RASGRP3: variants seen among roughly 807,000 people sequenced by gnomAD.
The protein encoded by RASGRP3 is RAS guanyl releasing protein 3.
In RASGRP3, 54 loss-of-function variants were observed where a neutral mutation model predicts 82.7. The ratio of observed to expected loss-of-function variants is 0.65; its 90% CI spans 0.52 to 0.82. The LOEUF (loss-of-function observed/expected upper bound fraction) is 0.82, where lower values mean the gene tolerates loss of function less well. Among genes scored for constraint, RASGRP3 ranks in the 40% least tolerant of loss-of-function variants. RASGRP3 has a pLI of 0.00. For missense variants in RASGRP3, 861 were observed against 828.9 expected (o/e 1.04, Z -0.48); for synonymous variants, 309 against 300.5 (o/e 1.03, Z -0.29).
In RASGRP3 at chr2:33,490,325, C is replaced by T. The variant is rs544480753; in HGVS notation, c.-261+13618C>T. 1.4e-3 allele frequency among the ~76,000 whole-genome samples: 207 copies of T among 152,312 alleles called. 3 individuals carry two copies. In the South Asian group the frequency reaches 0.015, roughly 11 times the overall value. On this transcript the variant is annotated intron_variant, in intron 1 of 17. Transcript: ENST00000403687. ...ACTTGTTGAGCTCATATTCTACACA[C>T]GTTTTCTTTGTTTCTTTACCTCTCA...
At chr2:33,449,135 A>T (rs560233696) in intron 2 of RASGRP3, among the ~76,000 whole-genome samples, 6 of 152,196 alleles carry the variant, frequency 3.9e-5, no homozygotes, top group Admixed American at 3.9e-4. Flanking sequence ...TGCAAGTGTG[A>T]TTGAGACCTT....
At chr2:33,446,490 GA>G (rs1665510542) in intron 1 of RASGRP3, among the ~76,000 whole-genome samples, 1 of 21,534 alleles carries the variant, frequency 4.6e-5, no homozygotes, top group African/African-American at 1.3e-4. Context: ...AAATTTTTTG[GA>G]TTTTTTTTTT....
intron 2 of RASGRP3, among the ~76,000 whole-genome samples, chr2:33,450,243 G>T (rs1391004643): frequency 6.6e-6 from 1 of 151,980 alleles, no homozygotes; most frequent in Non-Finnish European, 1.5e-5. Flanking sequence ...TATTTTTGTG[G>T]TGAGAACATT....
chr2:33,440,916 A>G (rs1665190414), intron 1 of RASGRP3, among the ~76,000 whole-genome samples: 1 of 151,966 alleles, frequency 6.6e-6, no homozygotes, highest in South Asian at 2.1e-4. Context: ...TCTTCAAGAC[A>G]AGGTCCCCCT....
rs116638013 is a variant in RASGRP3 at position 33,519,113 on chromosome 2, T to G, written c.174-839T>G. On this transcript the variant is annotated intron_variant, in intron 4 of 17. Coordinates refer to ENST00000403687, the MANE Select transcript of RASGRP3 (RefSeq NM_001139488.2). ...TGACTCACACAACAGCAGGTTTGTT[T>G]ACACCACCATCACTACAAACACATG... Among the ~76,000 whole-genome samples the G allele has an allele frequency of 8.9e-3, 1,350 of 152,320 alleles. 26 individuals carry two copies. The highest frequency in any genetic ancestry group is 0.031 in the African/African-American group (1,295 of 41,564).
At chr2:33,555,839 G>A (rs1409510783) in intron 15 of RASGRP3, among the ~76,000 whole-genome samples, 3 of 152,180 alleles carry the variant, frequency 2.0e-5, no homozygotes, top group African/African-American at 7.2e-5. Flanking sequence ...TGGGAATTCT[G>A]AGTGGGACAA....
intron 1 of RASGRP3, among the ~76,000 whole-genome samples, chr2:33,505,491 G>A (rs369806067): frequency 4.0e-5 from 6 of 151,842 alleles, no homozygotes; most frequent in African/African-American, 7.3e-5. Context: ...TAGTAGAGAC[G>A]GGGTTTCTCC....
At chr2:33,452,955 T>C (rs1381018830) in intron 2 of RASGRP3, among the ~76,000 whole-genome samples, 1 of 152,160 alleles carries the variant, frequency 6.6e-6, no homozygotes, top group African/African-American at 2.4e-5. Context: ...TGGATTTCAC[T>C]GAAGTGGGCC....
chr2:33,509,775 G>A (rs1396537479), intron 1 of RASGRP3, among the ~76,000 whole-genome samples: 1 of 152,010 alleles, frequency 6.6e-6, no homozygotes, highest in African/African-American at 2.4e-5. Context: ...TCACTTCCCC[G>A]ACACCAACCC....
chr2:33,534,346 T>C lies in RASGRP3; in HGVS notation c.1107T>C (p.Thr369=), dbSNP rs1364552829. The C allele has an allele frequency of 1.3e-6, 2 of 1,577,970 alleles. No individual in the cohort carries two copies. Among genetic ancestry groups the C allele is most frequent in the Non-Finnish European group, 1.7e-6 (2 of 1,148,122 alleles). ...LLTLSLDLYH[T]EDDIYKLSLV... ...AGCTTTCCCTGGACCTCTATCACACTGAAGATGATATTTACAAACTGTCAC... is the reference window on the plus strand; with the variant it reads ...AGCTTTCCCTGGACCTCTATCACACCGAAGATGATATTTACAAACTGTCAC... The change falls in exon 11 of 18, where the codon ACT becomes ACC. Residue 369 remains threonine, a synonymous_variant. Transcript: ENST00000403687.
chr2:33,500,582 C>T (rs530117392), intron 1 of RASGRP3, among the ~76,000 whole-genome samples: 1 of 152,060 alleles, frequency 6.6e-6, no homozygotes, highest in Non-Finnish European at 1.5e-5. Flanking sequence ...GCATGGAATA[C>T]TGGGAGGCAG....
chr2:33,476,896 A>G (rs977920079), intron 1 of RASGRP3, among the ~76,000 whole-genome samples, 189 bp downstream of exon 1: 2 of 147,356 alleles, frequency 1.4e-5, no homozygotes, highest in African/African-American at 4.9e-5. Flanking sequence ...TGGTGTTTTC[A>G]CAGCCCTTTT....
Position 33,515,222 on chromosome 2 carries a change from C to T in RASGRP3, c.70+16C>T. The T allele has an allele frequency of 5.0e-6, 8 of 1,612,904 alleles. No individual in the cohort carries two copies. The highest frequency in any genetic ancestry group is 6.8e-6 in the Non-Finnish European group (8 of 1,178,932). On this transcript the variant is annotated intron_variant, in intron 3 of 17. Coordinates refer to ENST00000403687, the MANE Select transcript of RASGRP3 (RefSeq NM_001139488.2). ...GAGATGTTTGGTACGAGCCTTTTCT[C>T]CTTTCATCTCTTTTGGATCTCTCGA...
Position 33,564,152 on chromosome 2 carries a change from T to G in RASGRP3, c.*1415T>G, listed in dbSNP as rs1676996918. On this transcript the variant is annotated 3_prime_UTR_variant, in exon 18 of 18. Transcript: ENST00000403687. ...CAGCAAAATTGTTGAGTACCTGTTC[T>G]GGGCAGGTCCCACGCTATATGCACA... 6.6e-6 allele frequency: 1 copy of G among 152,244 alleles called. No homozygotes were observed. Among genetic ancestry groups the G allele is most frequent in the African/African-American group, 2.4e-5 (1 of 41,452 alleles). The allele number at this position is 152,244 out of a possible 1,614,324, so 9.4% of individuals were successfully genotyped here. A position where few individuals can be genotyped will look rare whatever the true frequency, so the allele number is the denominator to read the frequency against.
upstream of RASGRP3, among the ~76,000 whole-genome samples, chr2:33,474,284 G>T (rs77410904): frequency 7.7e-3 from 1,175 of 152,234 alleles, 15 homozygotes; most frequent in African/African-American, 0.027. Context: ...TCTCATTAAT[G>T]GTTTGGTACC....
intron 9 of RASGRP3, 56 bp from the exon 10 acceptor site, chr2:33,527,081 G>C (rs959640519): frequency 1.9e-6 from 3 of 1,579,114 alleles, no homozygotes; most frequent in Non-Finnish European, 2.6e-6. Context: ...TGCAGGGCCC[G>C]GGGGTGTGCA....
chr2:33,527,249 A>C lies in RASGRP3; in HGVS notation c.920A>C (p.Lys307Thr), dbSNP rs1395643665. 6.2e-7 allele frequency: 1 copy of C among 1,614,034 alleles called. No homozygotes were observed. The highest frequency in any genetic ancestry group is 8.5e-7 in the Non-Finnish European group (1 of 1,179,880). The stretch of plus-strand genomic sequence containing the variant: ...ATCCCCATCCTTGGAGTACACTTGA[A>C]AGACTTGATAGCTGTCCATGTCATT... ...FKIPILGVHL[K>T]DLIAVHVIFP... Residue 307 changes from lysine (K) to threonine (T), a missense_variant, in exon 10 of 18, where the codon AAA becomes ACA. Coordinates refer to ENST00000403687, the MANE Select transcript of RASGRP3 (RefSeq NM_001139488.2).
intron 7 of RASGRP3, among the ~76,000 whole-genome samples, chr2:33,522,685 C>T (rs548491692): frequency 3.9e-5 from 6 of 152,316 alleles, no homozygotes; most frequent in East Asian, 3.9e-4. Context: ...TCTCTCCTCC[C>T]GTTATGGTAA....
At chr2:33,525,060 G>A (rs1388450946) in intron 9 of RASGRP3, among the ~76,000 whole-genome samples, 5 of 125,562 alleles carry the variant, frequency 4.0e-5, no homozygotes, top group South Asian at 2.7e-4. Flanking sequence ...CAACCTGGGC[G>A]ATAGAGCGAG....
Sources: allele counts gnomAD v4.1 joint callset (sites outside exome capture counted in the v4.1 genomes callset), GRCh38; gene constraint gnomAD v4.1.1; transcripts MANE v1.5; gene names NCBI Gene and HGNC (gene_info 2026-07-23, HGNC 2026-07-21).